The following INPP4B variants were observed in gnomAD, a reference collection of about 807,000 sequenced individuals.
The protein encoded by INPP4B is inositol polyphosphate-4-phosphatase type II B.
A neutral mutation model predicts 122.5 loss-of-function variants in INPP4B; 55 were observed. That is an observed-to-expected ratio of 0.45 (90% CI 0.36 to 0.56). The LOEUF is 0.56. Ranked by LOEUF, INPP4B falls within the 20% of genes least tolerant of loss-of-function variation. The pLI is 0.00. For synonymous variants in INPP4B, 403 were observed against 388.7 expected, an observed-to-expected ratio of 1.04 and a Z score of -0.43; for missense variants, 1,000 against 1,097.7, an observed-to-expected ratio of 0.91 and a Z score of 1.26.
At chr4:142,538,822 A>G (rs1828591708) in intron 2 of INPP4B, among the ~76,000 whole-genome samples, 1 of 152,048 alleles carries the variant, frequency 6.6e-6, no homozygotes, top group East Asian at 1.9e-4. Flanking sequence ...CTATTGAAAT[A>G]AGACTTCCCT....
intron 2 of INPP4B, among the ~76,000 whole-genome samples, chr4:142,597,183 C>T (rs1425526): frequency 0.034 from 5,252 of 152,246 alleles, 314 homozygotes; most frequent in African/African-American, 0.12. Flanking sequence ...ATCTTACCCC[C>T]GGAACTTGTA....
At chr4:142,221,042 G>A (rs902372945) in intron 12 of INPP4B, among the ~76,000 whole-genome samples, 1 of 152,084 alleles carries the variant, frequency 6.6e-6, no homozygotes, top group African/African-American at 2.4e-5. Flanking sequence ...GGCAAGGCAC[G>A]ATTCAGCCCA....
At chr4:142,764,364 G>A (rs962446006) in intron 1 of INPP4B, among the ~76,000 whole-genome samples, 4 of 151,996 alleles carry the variant, frequency 2.6e-5, no homozygotes, top group African/African-American at 7.2e-5. Flanking sequence ...AATCCTCAAA[G>A]GTCATTTCTT....
intron 23 of INPP4B, among the ~76,000 whole-genome samples, chr4:142,089,994 C>A (rs902315826): frequency 6.6e-6 from 1 of 152,128 alleles, no homozygotes; most frequent in Non-Finnish European, 1.5e-5. Context: ...ATGTTTTTAC[C>A]ATTGGTAGTA....
At chr4:142,564,555 T>C (rs1056945406) in intron 2 of INPP4B, among the ~76,000 whole-genome samples, 1 of 151,512 alleles carries the variant, frequency 6.6e-6, no homozygotes, top group Non-Finnish European at 1.5e-5. Flanking sequence ...GATTGAAGTA[T>C]ATTGATAAAG....
At chr4:142,381,765 T>C (rs533774381) in intron 7 of INPP4B, among the ~76,000 whole-genome samples, 14 of 152,256 alleles carry the variant, frequency 9.2e-5, no homozygotes, top group Non-Finnish European at 1.3e-4. Flanking sequence ...TCTAGAAGGA[T>C]AGTCATTTTA....
At chr4:142,531,355 T>C (rs1827590014) in intron 2 of INPP4B, among the ~76,000 whole-genome samples, 1 of 151,988 alleles carries the variant, frequency 6.6e-6, no homozygotes, top group Non-Finnish European at 1.5e-5. Flanking sequence ...AGTTGAAATA[T>C]GTTTGTACCA....
chr4:142,534,753 T>C (rs1030065231), intron 2 of INPP4B, among the ~76,000 whole-genome samples: 1 of 151,500 alleles, frequency 6.6e-6, no homozygotes, highest in Non-Finnish European at 1.5e-5. Context: ...CAGATTTCAA[T>C]TCATTAGAAT....
chr4:142,280,935 C>G (rs1750903992), intron 9 of INPP4B, among the ~76,000 whole-genome samples: 2 of 151,882 alleles, frequency 1.3e-5, no homozygotes, highest in Non-Finnish European at 2.9e-5. Context: ...GAAATTTCAC[C>G]TGAATAGTAG....
chr4:142,116,645 T>TG (rs1357330509), intron 21 of INPP4B, among the ~76,000 whole-genome samples: 2 of 152,090 alleles, frequency 1.3e-5, no homozygotes, highest in Non-Finnish European at 2.9e-5. Flanking sequence ...CCAGAATCTC[T>TG]GGACACATTT....
At chr4:142,786,568 A>T (rs1775791003) in intron 1 of INPP4B, among the ~76,000 whole-genome samples, 1 of 152,086 alleles carries the variant, frequency 6.6e-6, no homozygotes, top group African/African-American at 2.4e-5. Flanking sequence ...CTTCCAAAGG[A>T]CTGATATGAA....
intron 1 of INPP4B, among the ~76,000 whole-genome samples, chr4:142,838,900 A>G (rs992351228): frequency 6.6e-6 from 1 of 152,224 alleles, no homozygotes; most frequent in Non-Finnish European, 1.5e-5. Flanking sequence ...AAACACACTC[A>G]CCACAGACTG....
chr4:142,160,547 T>A lies in INPP4B; in HGVS notation c.1374A>T (p.Val458=). Residue 458 remains valine, a synonymous_variant, in exon 17 of 26, where the codon GTA becomes GTT. Transcript: ENST00000262992. The part of the protein sequence containing the change: ...KMLSEKTELF[V]HAFKDQLVRS... ...TGACAAGTTGATCCTTGAAGGCATG[T>A]ACAAAAAGCTCTGTCTGGAAAGAAA... The A allele has an allele frequency of 6.3e-7, 1 of 1,595,210 alleles. No homozygotes were observed.
At chr4:142,184,328 A>G (rs540719619) in intron 15 of INPP4B, among the ~76,000 whole-genome samples, 3 of 152,194 alleles carry the variant, frequency 2.0e-5, no homozygotes, top group Non-Finnish European at 4.4e-5. Context: ...ACGTAAAAGT[A>G]TATTTTCCCT....
intron 7 of INPP4B, among the ~76,000 whole-genome samples, chr4:142,394,848 T>G (rs1007049902): frequency 6.6e-6 from 1 of 152,198 alleles, no homozygotes; most frequent in African/African-American, 2.4e-5. Context: ...TTGTTGCCTA[T>G]TTTTTTGGGG....
intron 14 of INPP4B, among the ~76,000 whole-genome samples, chr4:142,207,024 T>G (rs930515102): frequency 3.3e-5 from 5 of 152,162 alleles, no homozygotes; most frequent in African/African-American, 1.2e-4. Flanking sequence ...CTATTTTAGA[T>G]TCCTCATATA....
intron 2 of INPP4B, among the ~76,000 whole-genome samples, chr4:142,524,519 G>A (rs905293721): frequency 2.0e-5 from 3 of 151,690 alleles, no homozygotes; most frequent in African/African-American, 7.3e-5. Context: ...TTTTTTTCTT[G>A]TAAATTTGTT....
In INPP4B at chr4:142,455,739, C is replaced by T. The variant is rs1000602041; in HGVS notation, c.-127+6924G>A. ...TTTGAGGAAACACCAAACTGTTTTT[C>T]ATAGTGATTGTACTAATTTACGTTT... On this transcript the variant is annotated intron_variant, in intron 3 of 25. Coordinates refer to ENST00000262992, the MANE Select transcript of INPP4B (RefSeq NM_001101669.3). 3.3e-5 allele frequency among the ~76,000 whole-genome samples: 5 copies of T among 151,988 alleles called. No homozygotes were observed. In the South Asian group the frequency reaches 1.0e-3, roughly 32 times the overall value.
intron 25 of INPP4B, among the ~76,000 whole-genome samples, chr4:142,060,177 A>G (rs983115223): frequency 6.6e-6 from 1 of 152,104 alleles, no homozygotes; most frequent in African/African-American, 2.4e-5. Flanking sequence ...ACTTATTTCT[A>G]TAAGTGTTTG....
Sources: allele counts gnomAD v4.1 joint callset (sites outside exome capture counted in the v4.1 genomes callset), GRCh38; gene constraint gnomAD v4.1.1; transcripts MANE v1.5; gene names NCBI Gene and HGNC (gene_info 2026-07-23, HGNC 2026-07-21).